The following PTPRQ variants were observed in gnomAD, a reference collection of about 807,000 sequenced individuals.
PTPRQ encodes the protein phosphatidylinositol phosphatase PTPRQ.
A neutral mutation model predicts 246.0 loss-of-function variants in PTPRQ; 199 were observed. That is an observed-to-expected ratio of 0.81 (90% CI 0.72 to 0.91). The LOEUF is 0.91. Among genes scored for constraint, PTPRQ ranks in the 40% least tolerant of loss-of-function variants. The probability of loss-of-function intolerance (pLI) is 0.00; values close to 1 mark genes in which losing one functional copy is unlikely to be tolerated. For synonymous variants in PTPRQ, 869 were observed against 853.2 expected (o/e 1.02, Z -0.32); for missense variants, 2,624 against 2,528.4 (o/e 1.04, Z -0.81).
intron 25 of PTPRQ, among the ~76,000 whole-genome samples, chr12:80,585,896 A>G (rs1409153871): frequency 5.7e-5 from 4 of 70,734 alleles, no homozygotes; most frequent in Non-Finnish European, 5.1e-5. Context: ...CCCCCACCCC[A>G]CAACAGTCCC....
intron 24 of PTPRQ, chr12:80,546,952 A>T: frequency 6.2e-6 from 2 of 322,624 alleles, no homozygotes; most frequent in Non-Finnish European, 1.1e-5. Context: ...GGAACAAAAT[A>T]GCCTTCTAGA....
chr12:80,549,791 T>G (rs1896417109), intron 25 of PTPRQ, 57 bp downstream of exon 25: 10 of 1,477,878 alleles, frequency 6.8e-6, no homozygotes, highest in African/African-American at 1.4e-5. Flanking sequence ...GGGGATTGTG[T>G]CAATACCACC....
chr12:80,604,039 C>G (rs1898229084), intron 26 of PTPRQ, among the ~76,000 whole-genome samples: 1 of 151,312 alleles, frequency 6.6e-6, no homozygotes, highest in Non-Finnish European at 1.5e-5. Context: ...GGTGTTTCAC[C>G]AAGATCATAC....
rs759952771 is a variant in PTPRQ, at chr12:80,605,156, A to G, written c.4707A>G (p.Thr1569=). The change falls in exon 27 of 45, where the codon ACA becomes ACG. Residue 1569 remains threonine (T), a synonymous_variant. Transcript: ENST00000644991. ...AACCTGCTGTCATTACTGGACCAAC[A>G]TGTTATCTGATTGATGTCAAATCGG... ...WSEPAVITGP[T]CYLIDVKSVD... 1.1e-5 allele frequency: 17 copies of G among 1,542,906 alleles called. No homozygotes were observed. The highest frequency in any genetic ancestry group is 1.7e-4 in the Middle Eastern group (1 of 5,976).
intron 24 of PTPRQ, chr12:80,547,270 T>G (rs918939900): frequency 6.6e-6 from 1 of 152,242 alleles, no homozygotes; most frequent in African/African-American, 2.4e-5. Context: ...GTGTGCACAC[T>G]GAATAGTTTT....
rs941456411 is a variant in PTPRQ, at chr12:80,628,590, C to G, written c.5687-3602C>G. Among the ~76,000 whole-genome samples the G allele has an allele frequency of 2.6e-5, 4 of 151,948 alleles. No homozygotes were observed. In the South Asian group the frequency reaches 8.3e-4, roughly 32 times the overall value. ...ATCTTCAAACACGAACATTTTTAAT[C>G]TTTTTCAAAATCAATATATTTGTTC... is the stretch of plus-strand genomic sequence containing the variant. On this transcript the variant is annotated intron_variant, in intron 33 of 44. Transcript: ENST00000644991.
chr12:80,565,949 A>C (rs1238867871), intron 25 of PTPRQ, among the ~76,000 whole-genome samples: 8 of 152,140 alleles, frequency 5.3e-5, no homozygotes, highest in Non-Finnish European at 8.8e-5. Context: ...ACACATTCAA[A>C]ATTCAAATAA....
chr12:80,471,474 A>ATTTTTTTTTTTT lies in PTPRQ; in HGVS notation c.1040-625_1040-614dup, dbSNP rs1176393485. Among the ~76,000 whole-genome samples the ATTTTTTTTTTTT allele has an allele frequency of 1.3e-3, 95 of 73,208 alleles. 20 individuals carry two copies. The highest frequency in any genetic ancestry group is 4.7e-3 in the African/African-American group (80 of 16,870). 48.0% of individuals were successfully genotyped at this position (73,208 alleles called of 152,430 possible). A position where few individuals can be genotyped will look rare whatever the true frequency, so the allele number is the denominator to read the frequency against. ...ATAGAAGATAATGAAATTATTTAGC[A>ATTTTTTTTTTTT]TTTTTTTTTTTTTTTTTATTTGAGA... On this transcript the variant is annotated intron_variant, in intron 7 of 44. Coordinates refer to ENST00000644991, the MANE Select transcript of PTPRQ (RefSeq NM_001145026.2).
chr12:80,586,013 C>A (rs1897605175), intron 25 of PTPRQ, among the ~76,000 whole-genome samples: 1 of 151,190 alleles, frequency 6.6e-6, no homozygotes, highest in Non-Finnish European at 1.5e-5. Context: ...CGATAGTTTA[C>A]TGAGAATGAT....
intron 25 of PTPRQ, among the ~76,000 whole-genome samples, chr12:80,559,303 C>T (rs1361669489): frequency 6.6e-6 from 1 of 152,192 alleles, no homozygotes; most frequent in Non-Finnish European, 1.5e-5. Context: ...CTCGGCCTCC[C>T]AAAGTGCTGG....
Position 80,588,441 on chromosome 12 carries a change from C to A in PTPRQ, c.4598C>A (p.Thr1533Asn). ...GNASNWISTK[T>N]LPGPPDGPPE... ...GCTTCAAACTGGATTTCTACAAAAA[C>A]TCTGCCTGGCCGTGAGTATTGTCCT... Residue 1533 changes from threonine (T) to asparagine (N), a missense_variant, in exon 26 of 45, where the codon ACT becomes AAT. Transcript: ENST00000644991. 6.7e-7 allele frequency: 1 copy of A among 1,482,256 alleles called. No individual in the cohort carries two copies. The highest frequency in any genetic ancestry group is 9.0e-7 in the Non-Finnish European group (1 of 1,115,380). 91.8% of individuals were successfully genotyped at this position (1,482,256 alleles called of 1,614,324 possible). A position where few individuals can be genotyped will look rare whatever the true frequency, so the allele number is the denominator to read the frequency against.
chr12:80,608,290 T>C (rs1233424670), intron 27 of PTPRQ, among the ~76,000 whole-genome samples: 2 of 150,600 alleles, frequency 1.3e-5, no homozygotes, highest in African/African-American at 4.9e-5. Flanking sequence ...AACTTGGAAT[T>C]GATTGAAGGA....
chr12:80,669,304 T>C (rs1565851140), intron 40 of PTPRQ, 35 bp from the exon 41 acceptor site: 8 of 1,544,070 alleles, frequency 5.2e-6, no homozygotes, highest in Non-Finnish European at 6.1e-6. Context: ...AATATAACAA[T>C]GACGCTTATG....
chr12:80,648,851 C>G, intron 35 of PTPRQ, 46 bp from the exon 36 acceptor site: 5 of 1,497,418 alleles, frequency 3.3e-6, no homozygotes, highest in Non-Finnish European at 2.7e-6. Context: ...TCAGAATTAG[C>G]TGTCCACTCT....
At chr12:80,650,948 TTA>T (rs1454590495) in intron 37 of PTPRQ, among the ~76,000 whole-genome samples, 1 of 152,078 alleles carries the variant, frequency 6.6e-6, no homozygotes, top group African/African-American at 2.4e-5. Context: ...AATTATTAAA[TTA>T]TGTTTTAATA....
chr12:80,624,113 A>C (rs1410521448), intron 33 of PTPRQ, among the ~76,000 whole-genome samples: 1 of 152,122 alleles, frequency 6.6e-6, no homozygotes, highest in Non-Finnish European at 1.5e-5. Flanking sequence ...CCAATCATCT[A>C]GGTATGAATC....
At chr12:80,654,448 A>G (rs1315314742) in intron 38 of PTPRQ, among the ~76,000 whole-genome samples, 2 of 152,194 alleles carry the variant, frequency 1.3e-5, no homozygotes, top group Non-Finnish European at 2.9e-5. Flanking sequence ...CCTAAATTTC[A>G]TCCAGACTGT....
intron 3 of PTPRQ, among the ~76,000 whole-genome samples, chr12:80,448,836 C>T (rs1406608676): frequency 9.5e-5 from 14 of 147,854 alleles, no homozygotes; most frequent in African/African-American, 2.8e-4. Flanking sequence ...AATAAACATA[C>T]GTGTGCATGT....
intron 26 of PTPRQ, among the ~76,000 whole-genome samples, chr12:80,595,936 A>G (rs1004186883): frequency 2.0e-5 from 3 of 152,146 alleles, no homozygotes; most frequent in Middle Eastern, 3.2e-3. Context: ...AGAAATATGA[A>G]TTATTGCATA....
Sources: allele counts gnomAD v4.1 joint callset (sites outside exome capture counted in the v4.1 genomes callset), GRCh38; gene constraint gnomAD v4.1.1; transcripts MANE v1.5; gene names NCBI Gene and HGNC (gene_info 2026-07-23, HGNC 2026-07-21).